Variants in PDE1C observed in about 807,000 individuals in gnomAD.
PDE1C encodes the protein phosphodiesterase 1C.
A neutral mutation model predicts 93.1 loss-of-function variants in PDE1C; 62 were observed. The ratio of observed to expected loss-of-function variants is 0.67; its 90% confidence interval spans 0.54 to 0.82. The LOEUF (loss-of-function observed/expected upper bound fraction) is 0.82. Ranked by LOEUF, PDE1C falls within the 40% of genes least tolerant of loss-of-function variation. The pLI, the probability that PDE1C is intolerant of heterozygous loss-of-function variation, is 0.00. For missense variants in PDE1C, 742 were observed against 884.6 expected (o/e 0.84, Z 2.04); for synonymous variants, 325 against 310.1 (o/e 1.05, Z -0.50).
At chr7:31,966,652 A>G (rs957062257) in intron 2 of PDE1C, among the ~76,000 whole-genome samples, 1 of 152,244 alleles carries the variant, frequency 6.6e-6, no homozygotes, top group Non-Finnish European at 1.5e-5. Flanking sequence ...TCAACAGAGT[A>G]TACATTCTTT....
intron 1 of PDE1C, among the ~76,000 whole-genome samples, chr7:32,253,437 AGCT>A (rs983789105): frequency 6.6e-6 from 1 of 152,204 alleles, no homozygotes; most frequent in African/African-American, 2.4e-5. Flanking sequence ...CAGAGAATAC[AGCT>A]GCCATTCTTC....
chr7:32,295,126 T>A (rs1812550217), intron 1 of PDE1C, among the ~76,000 whole-genome samples: 1 of 152,224 alleles, frequency 6.6e-6, no homozygotes, highest in Non-Finnish European at 1.5e-5. Flanking sequence ...TTCTACCTGA[T>A]CTTCCTCCAG....
chr7:31,734,914 G>A, the PDE1C span, among the ~76,000 whole-genome samples: 32 of 152,250 alleles, frequency 2.1e-4, no homozygotes, highest in African/African-American at 7.0e-4. Context: ...TAGAGTTGCC[G>A]AGACTATTTT....
intron 9 of PDE1C, among the ~76,000 whole-genome samples, chr7:31,841,904 T>C (rs914602365): frequency 6.6e-5 from 10 of 152,244 alleles, no homozygotes; most frequent in East Asian, 5.8e-4. Context: ...GGAGGAGCCA[T>C]TGTTTTAGTT....
At chr7:32,051,418 C>T (rs553130927) in intron 2 of PDE1C, 136 bp downstream of exon 2, 17 of 805,268 alleles carry the variant, frequency 2.1e-5, no homozygotes, top group Non-Finnish European at 3.4e-5. Flanking sequence ...CAGTCACGAT[C>T]GGAGATAAAG....
intron 2 of PDE1C, among the ~76,000 whole-genome samples, chr7:32,175,445 G>C (rs1802921696): frequency 6.6e-6 from 1 of 152,146 alleles, no homozygotes; most frequent in Non-Finnish European, 1.5e-5. Context: ...ACAATCATCT[G>C]AGCCTTCAAG....
At chr7:32,311,915 CAGG>C (rs1323810167) in intron 1 of PDE1C, among the ~76,000 whole-genome samples, 2 of 151,784 alleles carry the variant, frequency 1.3e-5, no homozygotes, top group Non-Finnish European at 2.9e-5. Flanking sequence ...GGCAATTAGG[CAGG>C]AGAAGGAAAT....
chr7:31,644,053 G>A, the PDE1C span: 1 of 1,106,106 alleles, frequency 9.0e-7, no homozygotes, highest in Non-Finnish European at 1.3e-6. Context: ...AGATCTCAGG[G>A]CAAACTTTTC....
intron 1 of PDE1C, among the ~76,000 whole-genome samples, chr7:32,365,251 G>A (rs181990253): frequency 7.2e-5 from 11 of 152,126 alleles, no homozygotes; most frequent in East Asian, 1.9e-4. Flanking sequence ...ACCAACCCTC[G>A]TGGGCAAATC....
chr7:32,317,741 T>C (rs1783205605), intron 1 of PDE1C, among the ~76,000 whole-genome samples: 1 of 152,176 alleles, frequency 6.6e-6, no homozygotes, highest in Non-Finnish European at 1.5e-5. Flanking sequence ...ACTGTTCTTA[T>C]TGGTTGCATG....
intron 1 of PDE1C, among the ~76,000 whole-genome samples, chr7:32,315,815 G>A (rs1585105017): frequency 6.6e-6 from 1 of 152,210 alleles, no homozygotes; most frequent in East Asian, 1.9e-4. Context: ...AACCAACATG[G>A]AGAAACCCTG....
At chr7:31,774,888 C>T (rs62448794) in intron 17 of PDE1C, among the ~76,000 whole-genome samples, 13,412 of 152,148 alleles carry the variant, frequency 0.088, 1,387 homozygotes, top group African/African-American at 0.24. Flanking sequence ...TTATGTTTAT[C>T]ATTTTTTAAA....
rs1486938070 is a variant in PDE1C, at chr7:32,286,419, C to A, written c.85+12232G>T. 2.0e-5 allele frequency among the ~76,000 whole-genome samples: 3 copies of A among 152,152 alleles called. No individual in the cohort carries two copies. The East Asian group carries it at 5.8e-4, about 29-fold the overall frequency. On this transcript the variant is annotated intron_variant, in intron 1 of 18. Coordinates refer to the PDE1C transcript ENST00000396193. ...ATTAAATGAGCTAGTGCTTACAAAG[C>A]CCTTAGAAGAGCATTTGGCATACAG...
chr7:32,250,221 CTGGGGTAGACAG>C (rs1283262762), intron 1 of PDE1C, among the ~76,000 whole-genome samples: 1 of 152,172 alleles, frequency 6.6e-6, no homozygotes, highest in Non-Finnish European at 1.5e-5. Flanking sequence ...CCCCCTGCCT[CTGGGGTAGACAG>C]TGCTACTATC....
chr7:31,830,012 G>A (rs1333975061), intron 11 of PDE1C, among the ~76,000 whole-genome samples: 1 of 151,996 alleles, frequency 6.6e-6, no homozygotes, highest in Non-Finnish European at 1.5e-5. Flanking sequence ...ACACTAATTT[G>A]GATTTCATTA....
chr7:32,150,707 G>A (rs1249162771), intron 3 of PDE1C, among the ~76,000 whole-genome samples: 1 of 152,180 alleles, frequency 6.6e-6, no homozygotes, highest in Non-Finnish European at 1.5e-5. Flanking sequence ...TGTATGCAAA[G>A]CACTTCGAAT....
chr7:32,145,085 G>A (rs967987194), intron 3 of PDE1C, among the ~76,000 whole-genome samples: 1 of 152,102 alleles, frequency 6.6e-6, no homozygotes, highest in African/African-American at 2.4e-5. Flanking sequence ...AGATGTTGTC[G>A]GCAATGGGAA....
the PDE1C span, among the ~76,000 whole-genome samples, chr7:31,687,606 G>C: frequency 0.02 from 3,110 of 152,288 alleles, 105 homozygotes; most frequent in African/African-American, 0.07. Context: ...CAAGGCTGGG[G>C]AAAGTACAGA....
chr7:32,086,913 C>G (rs1797123200), intron 3 of PDE1C, among the ~76,000 whole-genome samples: 1 of 150,968 alleles, frequency 6.6e-6, no homozygotes, highest in South Asian at 2.1e-4. Flanking sequence ...AGAAGAAAAC[C>G]TAGCCATTAC....
Sources: gnomAD v4.1 joint callset for allele counts (sites outside exome capture counted in the v4.1 genomes callset) on GRCh38, gnomAD v4.1.1 for gene constraint, MANE v1.5 for transcripts, NCBI Gene and HGNC (gene_info 2026-07-23, HGNC 2026-07-21) for gene names.